The following ADAMTS20 variants were observed in gnomAD, a reference collection of about 807,000 sequenced individuals.
ADAMTS20 encodes the protein ADAM metallopeptidase with thrombospondin type 1 motif 20.
Under a neutral mutation model 260.1 loss-of-function variants are expected in ADAMTS20, and 225 were observed. The ratio of observed to expected loss-of-function variants is 0.87; its 90% CI spans 0.78 to 0.97. The LOEUF (loss-of-function observed/expected upper bound fraction) is 0.97. Ranked by LOEUF, ADAMTS20 falls within the 50% of genes least tolerant of loss-of-function variation. The probability of loss-of-function intolerance (pLI) is 0.00; values close to 1 mark genes in which losing one functional copy is unlikely to be tolerated. For missense variants in ADAMTS20, 2,400 were observed against 2,337.7 expected (o/e 1.03, Z -0.55); for synonymous variants, 802 against 769.5 (o/e 1.04, Z -0.70).
At chr12:43,477,655 T>TTCTC (rs143217172) in intron 7 of ADAMTS20, among the ~76,000 whole-genome samples, 1 of 150,926 alleles carries the variant, frequency 6.6e-6, no homozygotes, top group Non-Finnish European at 1.5e-5. Flanking sequence ...GTCTCTTTCT[T>TTCTC]TCTCTCTCTC....
chr12:43,515,876 T>C (rs937663897), intron 3 of ADAMTS20, among the ~76,000 whole-genome samples: 2 of 152,222 alleles, frequency 1.3e-5, no homozygotes, highest in African/African-American at 2.4e-5. Context: ...AGGTATTTTA[T>C]TTTATGCTAC....
At chr12:43,514,316 G>A (rs1016319184) in intron 3 of ADAMTS20, among the ~76,000 whole-genome samples, 1 of 151,654 alleles carries the variant, frequency 6.6e-6, no homozygotes, top group Non-Finnish European at 1.5e-5. Flanking sequence ...TGTAATCCCA[G>A]CACTTTGGGA....
At chr12:43,402,807 C>CA (rs1940835859) in intron 28 of ADAMTS20, among the ~76,000 whole-genome samples, 1 of 152,012 alleles carries the variant, frequency 6.6e-6, no homozygotes, top group African/African-American at 2.4e-5. Context: ...GCATTCTCAT[C>CA]AAAAGACTTT....
At chr12:43,530,217 T>G (rs931368675) in intron 3 of ADAMTS20, among the ~76,000 whole-genome samples, 19 of 152,168 alleles carry the variant, frequency 1.2e-4, no homozygotes, top group African/African-American at 4.6e-4. Context: ...TTCTTGCTTG[T>G]GAATGCAAAA....
At chr12:43,466,620 C>A in intron 9 of ADAMTS20, 32 bp downstream of exon 9, 2 of 1,559,506 alleles carry the variant, frequency 1.3e-6, no homozygotes, top group Non-Finnish European at 1.7e-6. Context: ...TAATCGAATA[C>A]ATGTTCAATT....
intron 36 of ADAMTS20, among the ~76,000 whole-genome samples, chr12:43,372,182 A>C (rs1281989881): frequency 6.6e-6 from 1 of 152,190 alleles, no homozygotes; most frequent in East Asian, 1.9e-4. Context: ...TATAAATTTA[A>C]TGAGATTCCC....
At chr12:43,530,048 T>C (rs143081197) in intron 3 of ADAMTS20, among the ~76,000 whole-genome samples, 134 of 152,288 alleles carry the variant, frequency 8.8e-4, no homozygotes, top group African/African-American at 3.1e-3. Context: ...TACTACCTTT[T>C]ACATTTTGTT....
intron 3 of ADAMTS20, among the ~76,000 whole-genome samples, chr12:43,530,737 T>C (rs1207801442): frequency 6.6e-6 from 1 of 152,162 alleles, no homozygotes; most frequent in Non-Finnish European, 1.5e-5. Flanking sequence ...AAGATACATG[T>C]ACCTTATATG....
At chr12:43,378,629 T>C (rs1435400936) in intron 31 of ADAMTS20, among the ~76,000 whole-genome samples, 3 of 152,134 alleles carry the variant, frequency 2.0e-5, no homozygotes, top group Non-Finnish European at 4.4e-5. Flanking sequence ...AAAATACATG[T>C]ATAGGAATAA....
rs1330512037 is a variant in ADAMTS20, at chr12:43,421,945, T to C, written c.4284+3569A>G. Among the ~76,000 whole-genome samples the C allele has an allele frequency of 2.0e-5, 3 of 152,036 alleles. No homozygotes were observed. In the East Asian group the frequency reaches 5.8e-4, roughly 29 times the overall value. ...ACCGAAAGAAAGGAGGCATTCCTTA[T>C]ATTAATAATATAAGATCTGTTCAGT... On this transcript the variant is annotated intron_variant, in intron 28 of 38. Transcript: ENST00000389420.
chr12:43,509,432 T>C (rs767008332), intron 3 of ADAMTS20, among the ~76,000 whole-genome samples: 17 of 152,122 alleles, frequency 1.1e-4, no homozygotes, highest in Non-Finnish European at 2.4e-4. Flanking sequence ...TCTATACAAC[T>C]CTTTGGCAAA....
chr12:43,514,085 C>CT (rs1942962567), intron 3 of ADAMTS20, among the ~76,000 whole-genome samples: 2 of 71,940 alleles, frequency 2.8e-5, no homozygotes, highest in South Asian at 1.3e-3. Flanking sequence ...AGAATAAACT[C>CT]TAAAAAAAAA....
intron 3 of ADAMTS20, 52 bp downstream of exon 3, chr12:43,531,984 G>A: frequency 1.7e-6 from 2 of 1,194,560 alleles, no homozygotes; most frequent in Non-Finnish European, 2.2e-6. Context: ...TATAAAAAAA[G>A]ATTTAAATAG....
chr12:43,529,673 G>T (rs1227917373), intron 3 of ADAMTS20, among the ~76,000 whole-genome samples: 1 of 152,100 alleles, frequency 6.6e-6, no homozygotes, highest in Non-Finnish European at 1.5e-5. Context: ...TAGGAGGGGG[G>T]TGCGGAATAA....
chr12:43,434,488 A>C, intron 18 of ADAMTS20, 117 bp from the exon 19 acceptor site: 2 of 983,876 alleles, frequency 2.0e-6, no homozygotes, highest in South Asian at 1.7e-5. Flanking sequence ...AAAAATTTCC[A>C]ATGCAACATA....
At chr12:43,430,558 A>C (rs975732606) in intron 22 of ADAMTS20, 87 bp from the exon 23 acceptor site, 3 of 1,222,994 alleles carry the variant, frequency 2.5e-6, no homozygotes, top group Non-Finnish European at 3.3e-6. Flanking sequence ...CCTGTTAATA[A>C]TATACTTTTA....
intron 18 of ADAMTS20, among the ~76,000 whole-genome samples, chr12:43,437,595 T>C (rs1309265173): frequency 6.6e-6 from 1 of 152,144 alleles, no homozygotes; most frequent in Non-Finnish European, 1.5e-5. Context: ...AAGAAAAACA[T>C]TCTCTATTTA....
chr12:43,403,340 A>G (rs1940848995), intron 28 of ADAMTS20, among the ~76,000 whole-genome samples: 1 of 152,166 alleles, frequency 6.6e-6, no homozygotes, highest in African/African-American at 2.4e-5. Flanking sequence ...AAAATAAAAT[A>G]AGGAAATAAA....
chr12:43,402,329 AG>A (rs1267322307), intron 28 of ADAMTS20, among the ~76,000 whole-genome samples: 1 of 152,054 alleles, frequency 6.6e-6, no homozygotes, highest in Non-Finnish European at 1.5e-5. Flanking sequence ...AAAAACCAAA[AG>A]TCCTCTAGGA....
Sources: allele counts gnomAD v4.1 joint callset (sites outside exome capture counted in the v4.1 genomes callset), GRCh38; gene constraint gnomAD v4.1.1; transcripts MANE v1.5; gene names NCBI Gene and HGNC (gene_info 2026-07-23, HGNC 2026-07-21).